The following NLGN1 variants were observed in gnomAD, a reference collection of about 807,000 sequenced individuals.
NLGN1 encodes neuroligin 1.
A neutral mutation model predicts 65.5 loss-of-function variants in NLGN1; 12 were observed. The observed-to-expected ratio is 0.18, with a 90% CI of 0.12 to 0.30. The LOEUF (loss-of-function observed/expected upper bound fraction) is 0.30. Ranked by LOEUF, NLGN1 falls within the 10% of genes least tolerant of loss-of-function variation. NLGN1 has a pLI of 1.00. For missense variants in NLGN1, 750 were observed against 1,007.1 expected (o/e 0.74, Z 3.46); for synonymous variants, 350 against 359.5 (o/e 0.97, Z 0.30).
At chr3:173,602,835 A>C (rs1750761151) in intron 2 of NLGN1, among the ~76,000 whole-genome samples, 1 of 152,042 alleles carries the variant, frequency 6.6e-6, no homozygotes, top group Non-Finnish European at 1.5e-5. Flanking sequence ...CACTTTACAG[A>C]AATGGGTTTG....
chr3:173,944,036 G>C (rs1746668391), intron 4 of NLGN1, among the ~76,000 whole-genome samples: 1 of 151,826 alleles, frequency 6.6e-6, no homozygotes, highest in Non-Finnish European at 1.5e-5. Context: ...GCCAATATTA[G>C]ACAAAGAAAA....
chr3:173,825,238 A>G (rs552921901), intron 4 of NLGN1, among the ~76,000 whole-genome samples: 85 of 152,226 alleles, frequency 5.6e-4, no homozygotes, highest in South Asian at 1.9e-3. Context: ...CTTTTGAGCA[A>G]AAATTATTTT....
intron 3 of NLGN1, among the ~76,000 whole-genome samples, chr3:173,780,298 C>T (rs1001660872): frequency 8.5e-5 from 13 of 152,170 alleles, no homozygotes; most frequent in African/African-American, 3.1e-4. Context: ...TAAATACATG[C>T]ATACATGTAT....
chr3:173,579,810 C>G (rs369726614), intron 2 of NLGN1, among the ~76,000 whole-genome samples: 7 of 152,164 alleles, frequency 4.6e-5, no homozygotes, highest in East Asian at 3.9e-4. Context: ...CATTTAGATT[C>G]AAGTCTTGAG....
At chr3:173,430,479 T>C (rs966363684) in intron 1 of NLGN1, among the ~76,000 whole-genome samples, 9 of 152,218 alleles carry the variant, frequency 5.9e-5, no homozygotes, top group African/African-American at 2.2e-4. Context: ...ATGTATCTTT[T>C]GGAAAAATGT....
chr3:173,843,242 T>A (rs1725121552), intron 4 of NLGN1, among the ~76,000 whole-genome samples: 2 of 152,202 alleles, frequency 1.3e-5, no homozygotes, highest in Non-Finnish European at 2.9e-5. Context: ...AAAACCACTT[T>A]TTCCTCCTAG....
Position 173,614,539 on chromosome 3 carries a change from A to G in NLGN1, c.493+9448A>G, listed in dbSNP as rs984243322. 4.6e-5 allele frequency among the ~76,000 whole-genome samples: 7 copies of G among 152,200 alleles called. No homozygotes were observed. In the South Asian group the frequency reaches 8.3e-4, roughly 18 times the overall value. ...CATCTTTCCTGACAATGAGCAGGCCAGGCCTCAGTTTGCAATTCTGAGCTT... is the reference window on the plus strand; with the variant it reads ...CATCTTTCCTGACAATGAGCAGGCCGGGCCTCAGTTTGCAATTCTGAGCTT... On this transcript the variant is annotated intron_variant, in intron 3 of 6. Transcript: ENST00000457714.
At chr3:173,485,077 A>G (rs1439969529) in intron 2 of NLGN1, among the ~76,000 whole-genome samples, 1 of 150,178 alleles carries the variant, frequency 6.7e-6, no homozygotes, top group Non-Finnish European at 1.5e-5. Context: ...TGTGGGAAGT[A>G]AGGAGGAGCA....
intron 3 of NLGN1, among the ~76,000 whole-genome samples, chr3:173,617,643 T>C (rs1753319053): frequency 6.6e-6 from 1 of 152,184 alleles, no homozygotes; most frequent in African/African-American, 2.4e-5. Context: ...CTGACAGATA[T>C]AACCTGGACT....
At chr3:174,283,424 T>A (rs1751772178) in exon 7 of NLGN1, 1 of 151,526 alleles carries the variant, frequency 6.6e-6, no homozygotes. Flanking sequence ...TGTTTTCAGT[T>A]AGTTAGAAAA....
intron 2 of NLGN1, among the ~76,000 whole-genome samples, chr3:173,561,514 C>G (rs1742725371): frequency 6.6e-6 from 1 of 151,990 alleles, no homozygotes; most frequent in Non-Finnish European, 1.5e-5. Context: ...CAACAAGATC[C>G]CCTGAGAAAC....
chr3:174,118,792 C>A (rs1717124683), intron 4 of NLGN1, among the ~76,000 whole-genome samples: 1 of 152,074 alleles, frequency 6.6e-6, no homozygotes, highest in Non-Finnish European at 1.5e-5. Flanking sequence ...AAGTAGAATG[C>A]AAATTAGGAA....
chr3:174,001,976 T>G (rs993720146), intron 4 of NLGN1, among the ~76,000 whole-genome samples: 2 of 144,230 alleles, frequency 1.4e-5, no homozygotes, highest in African/African-American at 5.2e-5. Flanking sequence ...ATGACATGGA[T>G]AAAAAGATGC....
At chr3:174,065,510 T>G (rs1057312175) in intron 4 of NLGN1, among the ~76,000 whole-genome samples, 1 of 152,144 alleles carries the variant, frequency 6.6e-6, no homozygotes, top group African/African-American at 2.4e-5. Flanking sequence ...TCAAGCGTGA[T>G]TTAAACATTT....
At chr3:174,001,561 G>A (rs1045736337) in intron 4 of NLGN1, among the ~76,000 whole-genome samples, 3 of 152,150 alleles carry the variant, frequency 2.0e-5, no homozygotes, top group Non-Finnish European at 4.4e-5. Flanking sequence ...GGGTTAAGAG[G>A]ATAGTCCCCT....
intron 4 of NLGN1, among the ~76,000 whole-genome samples, chr3:173,892,401 T>G (rs763205139): frequency 6.6e-6 from 1 of 152,020 alleles, no homozygotes; most frequent in Non-Finnish European, 1.5e-5. Context: ...TATTAAGATT[T>G]TCCTATGTAT....
chr3:174,080,564 G>T (rs1435714611), intron 4 of NLGN1, among the ~76,000 whole-genome samples: 1 of 152,120 alleles, frequency 6.6e-6, no homozygotes, highest in Non-Finnish European at 1.5e-5. Context: ...GCAGTGGGCT[G>T]TCTGCAAGTT....
chr3:174,034,980 T>C (rs1419103194), intron 4 of NLGN1, among the ~76,000 whole-genome samples: 1 of 152,138 alleles, frequency 6.6e-6, no homozygotes, highest in Admixed American at 6.6e-5. Context: ...ATGCTAACCC[T>C]AATCAAAGGA....
At chr3:173,707,180 A>G (rs900585123) in intron 3 of NLGN1, among the ~76,000 whole-genome samples, 5 of 152,284 alleles carry the variant, frequency 3.3e-5, no homozygotes, top group South Asian at 2.1e-4. Flanking sequence ...TGATTTGCCA[A>G]TATATGTTGA....
Sources: allele counts gnomAD v4.1 joint callset (sites outside exome capture counted in the v4.1 genomes callset), GRCh38; gene constraint gnomAD v4.1.1; transcripts MANE v1.5; gene names NCBI Gene and HGNC (gene_info 2026-07-23, HGNC 2026-07-21).